Variants in SH3TC2 observed in about 807,000 individuals in gnomAD.
The protein encoded by SH3TC2 is SH3 domain and tetratricopeptide repeat-containing protein 2.
Under a neutral mutation model 124.5 loss-of-function variants are expected in SH3TC2, and 87 were observed. That is an observed-to-expected ratio of 0.70 (90% CI 0.59 to 0.84). SH3TC2 has a LOEUF of 0.84. Among genes scored for constraint, SH3TC2 ranks in the 40% least tolerant of loss-of-function variants. The pLI, the probability that SH3TC2 is intolerant of heterozygous loss-of-function variation, is 0.00. For synonymous variants in SH3TC2, 634 were observed against 628.5 expected (o/e 1.01, Z -0.13); for missense variants, 1,536 against 1,566.4 (o/e 0.98, Z 0.33).
Position 148,987,287 on chromosome 5 carries a change from T to C in SH3TC2, c.*17424A>G, listed in dbSNP as rs1753347728. Among the ~76,000 whole-genome samples the C allele has an allele frequency of 6.6e-6, 1 of 152,276 alleles. No individual in the cohort carries two copies. The highest frequency in any genetic ancestry group is 1.5e-5 in the Non-Finnish European group (1 of 68,050). On this transcript the variant is annotated 3_prime_UTR_variant, in exon 17 of 17. Coordinates refer to ENST00000515425, the MANE Select transcript of SH3TC2 (RefSeq NM_024577.4). The stretch of plus-strand genomic sequence containing the variant: ...TGTCACCATTGGGAATGTTCAGGAA[T>C]ATTCTCATTGGATTGCAAGTGCCAA...
chr5:149,059,986 T>A (rs1754717570), intron 1 of SH3TC2, among the ~76,000 whole-genome samples: 1 of 152,244 alleles, frequency 6.6e-6, no homozygotes, highest in African/African-American at 2.4e-5. Context: ...TTTTAAATGC[T>A]TTACAAGTCA....
chr5:149,010,223 T>C (rs1371734750), intron 14 of SH3TC2, 47 bp downstream of exon 14: 1 of 1,613,716 alleles, frequency 6.2e-7, no homozygotes, highest in Non-Finnish European at 8.5e-7. Flanking sequence ...ACCCTTCCCA[T>C]GCCCGTGCCA....
intron 2 of SH3TC2, among the ~76,000 whole-genome samples, chr5:149,051,794 G>A (rs150215615): frequency 1.8e-3 from 275 of 152,178 alleles, no homozygotes; most frequent in African/African-American, 6.3e-3. Flanking sequence ...CAGCAACAAC[G>A]TATGAACAAC....
chr5:149,042,715 G>A lies in SH3TC2; in HGVS notation c.508C>T (p.Leu170=). The change falls in exon 5 of 17, where the codon CTG becomes TTG. Residue 170 remains leucine (L), a synonymous_variant. Transcript: ENST00000515425. ...TCACCTTCCTGTATCAGGAGTCCCA[G>A]GTATATTGTTTCCAGGTGTTTATCA... The part of the protein sequence containing the change: ...VDDKHLETIY[L]GLLIQEGHFF... 2 of 1,614,098 alleles carry A rather than the reference G, an allele frequency of 1.2e-6. No individual in the cohort carries two copies. Among genetic ancestry groups the A allele is most frequent in the Non-Finnish European group, 1.7e-6 (2 of 1,180,012 alleles).
rs1426800617 is a variant in SH3TC2 at position 149,038,531 on chromosome 5, A to G, written c.806-41T>C. On this transcript the variant is annotated intron_variant, in intron 7 of 16. Coordinates refer to ENST00000515425, the MANE Select transcript of SH3TC2 (RefSeq NM_024577.4). ...CACAGATCAGCTACAGAAGACATGA[A>G]CAGCTGAGCCTCCCATCACCTTCCA... 4 of 1,595,322 alleles carry G rather than the reference A, an allele frequency of 2.5e-6. No individual in the cohort carries two copies. In the East Asian group the frequency reaches 8.9e-5, roughly 36 times the overall value.
intron 2 of SH3TC2, 27 bp downstream of exon 2, chr5:149,052,115 T>C (rs1457737800): frequency 5.4e-6 from 8 of 1,472,386 alleles, no homozygotes; most frequent in Non-Finnish European, 7.6e-6. Context: ...CATGGAAGAA[T>C]AGGGCTTGTC....
At chr5:149,008,777 T>A in intron 15 of SH3TC2, 74 bp downstream of exon 15, 1 of 1,596,536 alleles carries the variant, frequency 6.3e-7, no homozygotes, top group Non-Finnish European at 8.6e-7. Flanking sequence ...GGGCCTGCGG[T>A]GTTATTGCTT....
intron 14 of SH3TC2, 77 bp from the exon 15 acceptor site, chr5:149,009,078 T>C: frequency 1.3e-6 from 2 of 1,590,320 alleles, no homozygotes; most frequent in Non-Finnish European, 1.7e-6. Context: ...ACTTATCTTC[T>C]ACAGGCAGGG....
chr5:148,994,481 T>G lies in SH3TC2; in HGVS notation c.*10230A>C, dbSNP rs1246060970. ...CTTGCCCTGGAGCCCATAGGACTTA[T>G]GAAGACAGGGACTGTCATTATCTTG... On this transcript the variant is annotated 3_prime_UTR_variant, in exon 17 of 17. Transcript: ENST00000515425. 1.3e-5 allele frequency among the ~76,000 whole-genome samples: 2 copies of G among 152,248 alleles called. No homozygotes were observed. Among genetic ancestry groups the G allele is most frequent in the Non-Finnish European group, 2.9e-5 (2 of 68,046 alleles).
intron 7 of SH3TC2, among the ~76,000 whole-genome samples, chr5:149,039,328 G>A (rs1466615278): frequency 6.6e-6 from 1 of 152,214 alleles, no homozygotes; most frequent in Non-Finnish European, 1.5e-5. Flanking sequence ...GAGGGAGAGA[G>A]AGGGTATGAG....
Position 149,062,994 on chromosome 5 carries a change from T to A in SH3TC2, c.29A>T (p.Glu10Val). 6.3e-7 allele frequency: 1 copy of A among 1,599,758 alleles called. No individual in the cohort carries two copies. Among genetic ancestry groups the A allele is most frequent in the Non-Finnish European group, 8.5e-7 (1 of 1,172,804 alleles). Residue 10 changes from glutamate to valine, a missense_variant, in exon 1 of 17, where the codon GAG becomes GTG. This residue lies in a region of SH3TC2 where 1,102 missense variants were observed against 1,098.6 expected (regional missense o/e 1.00). Transcript: ENST00000515425. The stretch of plus-strand genomic sequence containing the variant: ...ACCTGGGCCCCGGGTCAGACTCCGC[T>A]CCCTGGGGATGCAGAAGCAGCCACC... Reference protein sequence around the residue: MGGCFCIPRERSLTRGPGKE... With the variant: MGGCFCIPRVRSLTRGPGKE...
intron 12 of SH3TC2, among the ~76,000 whole-genome samples, chr5:149,021,494 T>C (rs1041749705): frequency 1.3e-5 from 2 of 152,004 alleles, no homozygotes; most frequent in Non-Finnish European, 2.9e-5. Context: ...TTAATTTGTT[T>C]AAAATGTTTT....
At chr5:149,013,795 A>T (rs535803094) in intron 12 of SH3TC2, among the ~76,000 whole-genome samples, 4 of 152,326 alleles carry the variant, frequency 2.6e-5, no homozygotes, top group African/African-American at 9.6e-5. Flanking sequence ...ACTGTGCATC[A>T]TCTAGATAGT....
Position 149,008,870 on chromosome 5 carries a change from G to T in SH3TC2, c.3459C>A (p.Ala1153=). The change falls in exon 15 of 17, where the codon GCC becomes GCA. Residue 1153 remains alanine (A), a synonymous_variant. Coordinates refer to ENST00000515425, the MANE Select transcript of SH3TC2 (RefSeq NM_024577.4). ...ACCCACCTGTGACTGTGCTGAGCCT[G>T]GCGGCCAGGGTGGCAAATTCCAAAG... ...EKALEFATLA[A]RLSTVTGDQR... 1 of 1,614,188 alleles carries T rather than the reference G, an allele frequency of 6.2e-7. No homozygotes were observed. Among genetic ancestry groups the T allele is most frequent in the Non-Finnish European group, 8.5e-7 (1 of 1,180,042 alleles).
chr5:149,020,735 A>G (rs549364251), intron 12 of SH3TC2, among the ~76,000 whole-genome samples: 1 of 152,302 alleles, frequency 6.6e-6, no homozygotes, highest in East Asian at 1.9e-4. Context: ...ATGATAATAG[A>G]CTCAATCCAT....
At chr5:149,038,159 T>G (rs1754313862) in intron 8 of SH3TC2, 136 bp downstream of exon 8, 1 of 734,128 alleles carries the variant, frequency 1.4e-6, no homozygotes, top group South Asian at 1.7e-5. Context: ...TGTATCAACC[T>G]TGGTGTCAGC....
chr5:149,028,479 T>G lies in SH3TC2; in HGVS notation c.1253A>C (p.Gln418Pro), dbSNP rs1441405268. The G allele has an allele frequency of 3.1e-6, 5 of 1,611,994 alleles. No homozygotes were observed. Among genetic ancestry groups the G allele is most frequent in the Non-Finnish European group, 3.4e-6 (4 of 1,178,480 alleles). ...GCTGGAGTCCTCAGAGCTGCTGGAC[T>G]GTCTGGACCCCACGGCCTGATGCTC... ...WEEHQAVGSR[Q>P]SSSSEDSSLE... is the part of the protein sequence containing the mutation. Residue 418 changes from glutamine to proline, a missense_variant, in exon 11 of 17, where the codon CAG (glutamine) becomes CCG (proline). Gln to Pro is a moderately conservative substitution (Grantham distance 76). Around this residue, in one of 3 missense-constraint regions of SH3TC2, gnomAD observed 1,102 missense variants for 1,098.6 expected, o/e 1.00. Transcript: ENST00000515425.
At chr5:149,044,406 TA>T in intron 4 of SH3TC2, 126 bp downstream of exon 4, 1 of 718,538 alleles carries the variant, frequency 1.4e-6, no homozygotes, top group Non-Finnish European at 2.4e-6. Flanking sequence ...TTTCAAAAGT[TA>T]ACCATCTTTT....
intron 12 of SH3TC2, among the ~76,000 whole-genome samples, chr5:149,025,516 G>T (rs1333017315): frequency 1.3e-5 from 2 of 152,180 alleles, no homozygotes; most frequent in South Asian, 2.1e-4. Context: ...CTCTATTTTA[G>T]AAGTCATTTA....
Sources: allele counts gnomAD v4.1 joint callset (sites outside exome capture counted in the v4.1 genomes callset), GRCh38; gene constraint gnomAD v4.1.1; regional missense constraint gnomAD v4.1.1; transcripts MANE v1.5; gene names NCBI Gene and HGNC (gene_info 2026-07-23, HGNC 2026-07-21).